Variants in CYP19A1 observed in about 807,000 individuals in gnomAD.
The protein encoded by CYP19A1 is cytochrome P450 family 19 subfamily A member 1.
A neutral mutation model predicts 44.4 loss-of-function variants in CYP19A1; 32 were observed. The observed-to-expected ratio is 0.72, with a 90% CI of 0.54 to 0.97. The LOEUF (loss-of-function observed/expected upper bound fraction) is 0.97, where lower values mean the gene tolerates loss of function less well. CYP19A1 is among the 50% of genes least tolerant of loss of function. The pLI is 0.00. For synonymous variants in CYP19A1, 212 were observed against 215.6 expected, an observed-to-expected ratio of 0.98 and a Z score of 0.14; for missense variants, 598 against 637.8, an observed-to-expected ratio of 0.94 and a Z score of 0.67.
At chr15:51,328,817 TG>T (rs1485436726) in intron 1 of CYP19A1, among the ~76,000 whole-genome samples, 1 of 152,194 alleles carries the variant, frequency 6.6e-6, no homozygotes, top group East Asian at 1.9e-4. Flanking sequence ...CCAATGCAAG[TG>T]GCCTCAAAAA....
chr15:51,227,731 G>C, intron 4 of CYP19A1, 48 bp downstream of exon 4: 1 of 616,876 alleles, frequency 1.6e-6, no homozygotes, highest in Non-Finnish European at 2.9e-6. Context: ...TTCAAAAAAG[G>C]CACATTCATA....
At chr15:51,333,779 A>G (rs2141032576) in intron 1 of CYP19A1, among the ~76,000 whole-genome samples, 1 of 152,292 alleles carries the variant, frequency 6.6e-6, no homozygotes. Flanking sequence ...CATCTTCTCC[A>G]GGCTTAATAT....
chr15:51,227,431 C>T (rs1019724929), intron 4 of CYP19A1, among the ~76,000 whole-genome samples: 10 of 152,058 alleles, frequency 6.6e-5, no homozygotes, highest in African/African-American at 1.9e-4. Flanking sequence ...CTTTGGGAGG[C>T]CGAGGCAGGT....
At chr15:51,327,000 C>G (rs1240818928) in intron 1 of CYP19A1, among the ~76,000 whole-genome samples, 2 of 151,418 alleles carry the variant, frequency 1.3e-5, no homozygotes, top group Non-Finnish European at 2.9e-5. Context: ...TGAATCCAAA[C>G]CCAGAACTGT....
At chr15:51,229,952 G>A (rs941086506) in intron 3 of CYP19A1, among the ~76,000 whole-genome samples, 15 of 152,232 alleles carry the variant, frequency 9.9e-5, no homozygotes, top group South Asian at 2.1e-4. Flanking sequence ...CAAACCCAAC[G>A]AAATATTTGC....
intron 1 of CYP19A1, among the ~76,000 whole-genome samples, chr15:51,254,497 C>G (rs1055636416): frequency 1.3e-5 from 2 of 152,116 alleles, no homozygotes; most frequent in African/African-American, 4.8e-5. Flanking sequence ...CCCCACCCCC[C>G]TCCATTTTTG....
rs1348941399 is a variant in CYP19A1, at chr15:51,228,050, C to T, written c.297-117G>A. ...TGCATGTTGCTCCAAATGCAATGTG[C>T]ATGATTTCTAGTATTCGGGTTGAAT... On this transcript the variant is annotated intron_variant, in intron 3 of 9. Transcript: ENST00000396402. 4 of 751,614 alleles carry T rather than the reference C, an allele frequency of 5.3e-6. No homozygotes were observed. The East Asian group carries it at 1.0e-4, about 19-fold the overall frequency. The allele number at this position is 751,614 out of a possible 1,614,324, so 46.6% of individuals were successfully genotyped here. A position where few individuals can be genotyped will look rare whatever the true frequency, so the allele number is the denominator to read the frequency against.
chr15:51,289,255 A>C (rs2035786961), intron 1 of CYP19A1, among the ~76,000 whole-genome samples: 1 of 152,206 alleles, frequency 6.6e-6, no homozygotes, highest in Admixed American at 6.5e-5. Flanking sequence ...GCCTTGTTAG[A>C]CTGTACTCAA....
At chr15:51,320,359 TG>T (rs1200024339) in intron 1 of CYP19A1, 3 of 152,338 alleles carry the variant, frequency 2.0e-5, no homozygotes, top group African/African-American at 7.2e-5. Context: ...CCCCCAGCCC[TG>T]GGTGAAGTAA....
chr15:51,330,999 A>G (rs1045949884), intron 1 of CYP19A1, among the ~76,000 whole-genome samples: 1 of 152,196 alleles, frequency 6.6e-6, no homozygotes, highest in African/African-American at 2.4e-5. Context: ...GATGAGGAGT[A>G]TAGCCACATT....
At chr15:51,286,448 C>T (rs2035701263) in intron 1 of CYP19A1, among the ~76,000 whole-genome samples, 3 of 152,278 alleles carry the variant, frequency 2.0e-5, no homozygotes, top group East Asian at 1.9e-4. Flanking sequence ...TGTTCTTTTC[C>T]CCTGGAAGGT....
At chr15:51,277,820 G>A (rs924177397) in intron 1 of CYP19A1, among the ~76,000 whole-genome samples, 4 of 151,484 alleles carry the variant, frequency 2.6e-5, no homozygotes, top group Admixed American at 6.6e-5. Context: ...CAAATATCAC[G>A]TTTTTTTAAA....
At chr15:51,287,042 G>A (rs1436537369) in intron 1 of CYP19A1, among the ~76,000 whole-genome samples, 1 of 152,174 alleles carries the variant, frequency 6.6e-6, no homozygotes, top group Non-Finnish European at 1.5e-5. Flanking sequence ...GGGCAGGGTT[G>A]GCAAGAGTGG....
At chr15:51,321,445 C>T (rs1277216817) in intron 1 of CYP19A1, among the ~76,000 whole-genome samples, 2 of 152,180 alleles carry the variant, frequency 1.3e-5, no homozygotes, top group East Asian at 3.9e-4. Flanking sequence ...GGAGCTCCTT[C>T]CCCATCTTTC....
chr15:51,307,788 C>G (rs2036241479), intron 1 of CYP19A1, among the ~76,000 whole-genome samples: 1 of 152,182 alleles, frequency 6.6e-6, no homozygotes, highest in African/African-American at 2.4e-5. Flanking sequence ...TCATTTTCCC[C>G]CACCCAACCA....
Position 51,242,831 on chromosome 15 carries a change from C to G in CYP19A1, c.82G>C (p.Val28Leu), listed in dbSNP as rs1023837164. Residue 28 changes from valine to leucine, a missense_variant, in exon 2 of 10, where the codon GTC becomes CTC. Coordinates refer to ENST00000396402, the MANE Select transcript of CYP19A1 (RefSeq NM_000103.4). The part of the protein sequence containing the change: ...PEAMPAATMP[V>L]LLLTGLFLLV... ...AGAAAAAGGCCAGTGAGGAGCAGGA[C>G]TGGCATGGTGGCAGCAGGCATGGCT... 1 of 1,590,150 alleles carries G rather than the reference C, an allele frequency of 6.3e-7. No homozygotes were observed. The highest frequency in any genetic ancestry group is 1.3e-5 in the African/African-American group (1 of 74,400).
At position 51,227,672 on chromosome 15, in the gene CYP19A1, C is replaced by CAATAAATA. The variant is rs57921193; in HGVS notation, c.451+99_451+106dup. On this transcript the variant is annotated intron_variant, in intron 4 of 9. Transcript: ENST00000396402. ...TGGGTGATAGAGTCAGAGCCTGTCT[C>CAATAAATA]AATAAATAAATAAATAAATAAATAA... 2.8e-3 allele frequency: 719 copies of CAATAAATA among 256,560 alleles called. 9 individuals are homozygous for CAATAAATA. The highest frequency in any genetic ancestry group is 3.7e-3 in the Middle Eastern group (3 of 816). The allele number at this position is 256,560 out of a possible 1,614,324, so 15.9% of individuals were successfully genotyped here.
chr15:51,297,392 G>A (rs1033513212), intron 1 of CYP19A1, among the ~76,000 whole-genome samples: 2 of 152,166 alleles, frequency 1.3e-5, no homozygotes, highest in Non-Finnish European at 2.9e-5. Context: ...GGTCCACCGG[G>A]GGAGACAGAG....
At chr15:51,278,345 C>T (rs1201011681) in intron 1 of CYP19A1, among the ~76,000 whole-genome samples, 3 of 152,162 alleles carry the variant, frequency 2.0e-5, no homozygotes, top group Admixed American at 1.3e-4. Context: ...AAGATCTGTG[C>T]GTACGCTCCT....
Sources: gnomAD v4.1 joint callset for allele counts (sites outside exome capture counted in the v4.1 genomes callset) on GRCh38, gnomAD v4.1.1 for gene constraint, MANE v1.5 for transcripts, NCBI Gene and HGNC (gene_info 2026-07-23, HGNC 2026-07-21) for gene names.